RAPGEF6: variants seen among roughly 807,000 people sequenced by gnomAD.
The protein encoded by RAPGEF6 is PDZ domain containing guanine nucleotide exchange factor (GEF) 2.
RAPGEF6 carries 56 observed loss-of-function variants against 171.4 expected under a neutral mutation model. The ratio of observed to expected loss-of-function variants is 0.33; its 90% CI spans 0.26 to 0.41. The LOEUF is 0.41. RAPGEF6 is among the 10% of genes least tolerant of loss of function. RAPGEF6 has a pLI of 1.00. For synonymous variants in RAPGEF6, 692 were observed against 650.1 expected (o/e 1.06, Z -0.98); for missense variants, 1,674 against 1,921.4 (o/e 0.87, Z 2.41).
chr5:131,491,217 A>G (rs1292277379), intron 14 of RAPGEF6, among the ~76,000 whole-genome samples: 1 of 152,196 alleles, frequency 6.6e-6, no homozygotes, highest in East Asian at 1.9e-4. Context: ...TGGGAATTGT[A>G]GGCTGTTTAG....
In RAPGEF6 at chr5:131,612,201, ATTTTTT is replaced by A. The variant is rs35306366; in HGVS notation, c.70-7514_70-7509del. Among the ~76,000 whole-genome samples, 357 of 83,328 alleles carry A rather than the reference ATTTTTT, an allele frequency of 4.3e-3. 4 individuals carry two copies. Among genetic ancestry groups the A allele is most frequent in the African/African-American group, 0.014 (326 of 23,054 alleles). The allele number at this position is 83,328 out of a possible 152,430, so 54.7% of individuals were successfully genotyped here. ...AGGCGTGCACCACCATGCTCAGCTA[ATTTTTT>A]TTTTTTTTTTTTTTTTTTTGGTGAT... On this transcript the variant is annotated intron_variant, in intron 1 of 27. Transcript: ENST00000509018.
chr5:131,488,597 T>G (rs1756081527), intron 15 of RAPGEF6, among the ~76,000 whole-genome samples: 2 of 152,194 alleles, frequency 1.3e-5, no homozygotes, highest in Non-Finnish European at 2.9e-5. Context: ...TTTACCAGAT[T>G]TAACATGATG....
intron 23 of RAPGEF6, chr5:131,440,065 C>CAAGA: frequency 2.7e-6 from 1 of 373,474 alleles, no homozygotes; most frequent in Middle Eastern, 4.6e-4. Flanking sequence ...CAAACTCTTC[C>CAAGA]CTCCCCTCTA....
intron 4 of RAPGEF6, among the ~76,000 whole-genome samples, chr5:131,581,161 A>T (rs1762936129): frequency 6.6e-6 from 1 of 152,202 alleles, no homozygotes; most frequent in African/African-American, 2.4e-5. Context: ...TGTCCTCTAG[A>T]ACCGCCGAGG....
chr5:131,523,218 G>A (rs1046122013), intron 6 of RAPGEF6, among the ~76,000 whole-genome samples: 5 of 144,976 alleles, frequency 3.4e-5, no homozygotes, highest in African/African-American at 1.3e-4. Context: ...AAACATCTTC[G>A]TTAAGAGCCA....
intron 7 of RAPGEF6, among the ~76,000 whole-genome samples, chr5:131,512,165 C>T (rs1422276969): frequency 1.3e-5 from 2 of 152,210 alleles, no homozygotes; most frequent in African/African-American, 4.8e-5. Context: ...AGAAAGAGCA[C>T]AGCATGTGCT....
intron 19 of RAPGEF6, among the ~76,000 whole-genome samples, chr5:131,459,743 G>A (rs1436451729): frequency 1.3e-5 from 2 of 152,048 alleles, no homozygotes; most frequent in African/African-American, 2.4e-5. Flanking sequence ...AATTAGCCAA[G>A]GTGGTTTTAA....
chr5:131,543,203 T>C (rs142091295), intron 6 of RAPGEF6, among the ~76,000 whole-genome samples: 75 of 152,064 alleles, frequency 4.9e-4, no homozygotes, highest in African/African-American at 1.8e-3. Context: ...AGAAGCAAAA[T>C]AAATGGACTA....
chr5:131,593,667 G>GT lies in RAPGEF6; in HGVS notation c.198-1202dup. 1.3e-5 allele frequency among the ~76,000 whole-genome samples: 2 copies of GT among 152,346 alleles called. 1 individual carries two copies. Among genetic ancestry groups the GT allele is most frequent in the South Asian group, 4.1e-4 (2 of 4,828 alleles). ...GATGAGGAACTTACTGGAAACTGGA[G>GT]TAAAGGTCACTCTTGCTATGCTTTA... On this transcript the variant is annotated intron_variant, in intron 3 of 27. Transcript: ENST00000509018.
Position 131,603,343 on chromosome 5 carries a change from A to T in RAPGEF6, c.141-16T>A, listed in dbSNP as rs1764363932. 1.3e-6 allele frequency: 2 copies of T among 1,482,786 alleles called. No individual in the cohort carries two copies. The highest frequency in any genetic ancestry group is 2.4e-5 in the East Asian group (1 of 41,728). 91.9% of individuals were successfully genotyped at this position (1,482,786 alleles called of 1,614,324 possible). A position where few individuals can be genotyped will look rare whatever the true frequency, so the allele number is the denominator to read the frequency against. On this transcript the variant is annotated splice_polypyrimidine_tract_variant and intron_variant, in intron 2 of 27. Coordinates refer to ENST00000509018, the MANE Select transcript of RAPGEF6 (RefSeq NM_016340.6). ...AGACATTAATCTATTAAAAAAAAAA[A>T]TTGAAGATTTTATCTTACATTTTGT...
chr5:131,434,737 T>C (rs17167683), intron 24 of RAPGEF6, among the ~76,000 whole-genome samples: 4,052 of 152,300 alleles, frequency 0.027, 187 homozygotes, highest in African/African-American at 0.092. Context: ...TGTTCTTCTG[T>C]ATTCTAGGGA....
intron 26 of RAPGEF6, among the ~76,000 whole-genome samples, chr5:131,429,799 A>C (rs1314600109): frequency 6.6e-6 from 1 of 152,114 alleles, no homozygotes; most frequent in African/African-American, 2.4e-5. Flanking sequence ...CACGCCTGTA[A>C]TCCCAGCACT....
intron 4 of RAPGEF6, among the ~76,000 whole-genome samples, chr5:131,571,913 C>G (rs556928575): frequency 1.3e-5 from 2 of 152,084 alleles, no homozygotes; most frequent in Non-Finnish European, 2.9e-5. Context: ...CATTCCTCCC[C>G]GCCCTTGTGA....
intron 24 of RAPGEF6, among the ~76,000 whole-genome samples, chr5:131,437,900 C>T (rs1228782857): frequency 6.6e-6 from 1 of 152,080 alleles, no homozygotes; most frequent in Non-Finnish European, 1.5e-5. Context: ...ATTTAAACCA[C>T]ATAAGAGGCT....
intron 16 of RAPGEF6, 77 bp from the exon 17 acceptor site, chr5:131,472,821 T>G: frequency 5.0e-5 from 62 of 1,232,060 alleles, no homozygotes; most frequent in Non-Finnish European, 6.5e-5. Context: ...CCCTGTGCAC[T>G]AAGGCATAAA....
At chr5:131,629,089 T>C (rs915493250) in intron 1 of RAPGEF6, among the ~76,000 whole-genome samples, 20 of 152,170 alleles carry the variant, frequency 1.3e-4, no homozygotes, top group Admixed American at 3.3e-4. Flanking sequence ...ACACATTTCA[T>C]AAAGCTACAG....
intron 18 of RAPGEF6, chr5:131,463,494 G>A (rs1376006328): frequency 7.7e-5 from 14 of 181,298 alleles, no homozygotes; most frequent in African/African-American, 1.7e-4. Flanking sequence ...CAGGAGAACC[G>A]CTTGAACCTG....
intron 4 of RAPGEF6, among the ~76,000 whole-genome samples, chr5:131,568,674 A>G (rs1192482207): frequency 6.6e-6 from 1 of 152,176 alleles, no homozygotes; most frequent in African/African-American, 2.4e-5. Flanking sequence ...ATGCTTCAGG[A>G]ACAAGCAAAG....
intron 6 of RAPGEF6, among the ~76,000 whole-genome samples, chr5:131,523,011 C>T (rs1263412021): frequency 6.6e-6 from 1 of 152,134 alleles, no homozygotes; most frequent in Non-Finnish European, 1.5e-5. Context: ...CATCCTAGGT[C>T]TCAATTAAAA....
Sources: allele counts gnomAD v4.1 joint callset (sites outside exome capture counted in the v4.1 genomes callset), GRCh38; gene constraint gnomAD v4.1.1; transcripts MANE v1.5; gene names NCBI Gene and HGNC (gene_info 2026-07-23, HGNC 2026-07-21).